The following FRAS1 variants were observed in gnomAD, a reference collection of about 807,000 sequenced individuals.
FRAS1 encodes extracellular matrix organizing protein FRAS1.
FRAS1 carries 290 observed loss-of-function variants against 435.2 expected under a neutral mutation model. The ratio of observed to expected loss-of-function variants is 0.67; its 90% CI spans 0.61 to 0.73. FRAS1 has a LOEUF of 0.73. Ranked by LOEUF, FRAS1 falls within the 30% of genes least tolerant of loss-of-function variation. FRAS1 has a pLI of 0.00. For missense variants in FRAS1, 4,860 were observed against 5,001.5 expected (o/e 0.97, Z 0.85); for synonymous variants, 1,800 against 1,851.0 (o/e 0.97, Z 0.71).
chr4:78,308,245 C>T (rs1728873999), intron 15 of FRAS1, 36 bp downstream of exon 15: 2 of 1,594,200 alleles, frequency 1.3e-6, no homozygotes, highest in Non-Finnish European at 1.7e-6. Flanking sequence ...GTGTCCTTTC[C>T]TTTTTCTTTT....
intron 2 of FRAS1, among the ~76,000 whole-genome samples, chr4:78,211,335 C>T (rs1442469907): frequency 6.6e-6 from 1 of 152,072 alleles, no homozygotes; most frequent in African/African-American, 2.4e-5. Context: ...TGCCATCTTT[C>T]GATGTATTTT....
chr4:78,380,077 T>G, intron 27 of FRAS1, 81 bp downstream of exon 27: 1 of 1,465,414 alleles, frequency 6.8e-7, no homozygotes, highest in Non-Finnish European at 9.3e-7. Context: ...CCAGCCTCTC[T>G]GTCTCAATAG....
At chr4:78,417,718 C>T (rs1384911563) in intron 32 of FRAS1, among the ~76,000 whole-genome samples, 1 of 152,186 alleles carries the variant, frequency 6.6e-6, no homozygotes, top group African/African-American at 2.4e-5. Context: ...CTGCAACCTA[C>T]AATCTTTTCA....
chr4:78,455,866 T>C (rs536465130), intron 47 of FRAS1, among the ~76,000 whole-genome samples: 16 of 152,300 alleles, frequency 1.1e-4, no homozygotes, highest in South Asian at 2.1e-4. Flanking sequence ...TAAGGAGTTA[T>C]ATTAACTAGG....
At chr4:78,263,513 C>T (rs1726214632) in intron 6 of FRAS1, among the ~76,000 whole-genome samples, 1 of 152,190 alleles carries the variant, frequency 6.6e-6, no homozygotes, top group South Asian at 2.1e-4. Flanking sequence ...AACTCTATGC[C>T]TATTCAAGAT....
At chr4:78,111,610 G>A (rs1470210301) in intron 2 of FRAS1, among the ~76,000 whole-genome samples, 2 of 102,100 alleles carry the variant, frequency 2.0e-5, no homozygotes, top group Non-Finnish European at 3.9e-5. Flanking sequence ...GGTGGGGTCG[G>A]GGGAGGGGGG....
At chr4:78,195,700 C>T (rs1443455502) in intron 2 of FRAS1, among the ~76,000 whole-genome samples, 4 of 152,134 alleles carry the variant, frequency 2.6e-5, no homozygotes, top group Non-Finnish European at 4.4e-5. Context: ...GAAAGGGATT[C>T]CCCTGACCCC....
At chr4:78,536,892 C>T in intron 71 of FRAS1, 103 bp from the exon 72 acceptor site, 1 of 815,482 alleles carries the variant, frequency 1.2e-6, no homozygotes, top group Non-Finnish European at 1.9e-6. Flanking sequence ...TAGAAAAGTG[C>T]TTTTCACTCT....
intron 2 of FRAS1, among the ~76,000 whole-genome samples, chr4:78,097,459 A>T (rs1741866765): frequency 6.6e-6 from 1 of 152,232 alleles, no homozygotes; most frequent in African/African-American, 2.4e-5. Flanking sequence ...TAATAAAGAC[A>T]TACCTGAGGC....
In FRAS1 at chr4:78,094,715, C is replaced by T. The variant is rs148114355; in HGVS notation, c.108+28699C>T. ...TTGTTTTCAAGAACTTTAATAGAAC[C>T]TGTTTATATACTGGCAATTGATTAC... On this transcript the variant is annotated intron_variant, in intron 2 of 73. Transcript: ENST00000512123. 8.5e-4 allele frequency among the ~76,000 whole-genome samples: 130 copies of T among 152,124 alleles called. 1 individual carries two copies. The highest frequency in any genetic ancestry group is 3.0e-3 in the African/African-American group (125 of 41,508).
At chr4:78,153,960 C>CA (rs1720775958) in intron 2 of FRAS1, among the ~76,000 whole-genome samples, 1 of 152,016 alleles carries the variant, frequency 6.6e-6, no homozygotes, top group Non-Finnish European at 1.5e-5. Context: ...CTTTACTCTA[C>CA]AATTTTTTTC....
Position 78,452,328 on chromosome 4 carries a change from G to C in FRAS1, c.6737G>C (p.Gly2246Ala). The C allele has an allele frequency of 6.2e-7, 1 of 1,607,574 alleles. No individual in the cohort carries two copies. The highest frequency in any genetic ancestry group is 8.5e-7 in the Non-Finnish European group (1 of 1,178,220). Reference sequence around the variant, plus strand: ...AGAATCACCAGACAGCCCCAGCTGGGCCACTTGGAACATGCAGCATCACCA... The same window carrying C: ...AGAATCACCAGACAGCCCCAGCTGGCCCACTTGGAACATGCAGCATCACCA... Reference protein sequence around the residue: ...IYRITRQPQLGHLEHAASPGI... With the variant: ...IYRITRQPQLAHLEHAASPGI... Residue 2246 changes from glycine to alanine, a missense_variant, in exon 47 of 74, where the codon GGC (glycine) becomes GCC (alanine). Physicochemically the swap from Gly to Ala is moderately conservative, Grantham distance 60. Transcript: ENST00000512123.
At chr4:78,154,633 T>C (rs1164628216) in intron 2 of FRAS1, among the ~76,000 whole-genome samples, 1 of 152,224 alleles carries the variant, frequency 6.6e-6, no homozygotes, top group Non-Finnish European at 1.5e-5. Context: ...CTCGCTTTAA[T>C]TGGATTCATG....
chr4:78,205,093 G>A (rs185920303), intron 2 of FRAS1, among the ~76,000 whole-genome samples: 5 of 152,158 alleles, frequency 3.3e-5, no homozygotes, highest in Admixed American at 3.3e-4. Context: ...GTAATGTTGA[G>A]TCCATAAATG....
intron 14 of FRAS1, among the ~76,000 whole-genome samples, chr4:78,298,933 TATG>T (rs762090059): frequency 2.6e-5 from 4 of 152,164 alleles, no homozygotes; most frequent in Non-Finnish European, 4.4e-5. Context: ...GTAGGATAAA[TATG>T]ATAAGAGAGG....
chr4:78,522,988 T>A (rs1442556153), intron 69 of FRAS1, among the ~76,000 whole-genome samples, 180 bp downstream of exon 69: 4 of 152,074 alleles, frequency 2.6e-5, no homozygotes, highest in Non-Finnish European at 5.9e-5. Flanking sequence ...CTCAGGAGGA[T>A]CACTTGAACT....
At chr4:78,354,285 A>C (rs1465835261) in intron 20 of FRAS1, among the ~76,000 whole-genome samples, 1 of 152,058 alleles carries the variant, frequency 6.6e-6, no homozygotes, top group African/African-American at 2.4e-5. Context: ...GTCGTGTTTT[A>C]TTTGGTTAGT....
intron 58 of FRAS1, among the ~76,000 whole-genome samples, chr4:78,482,935 A>T (rs1720057412): frequency 6.6e-6 from 1 of 152,228 alleles, no homozygotes; most frequent in Non-Finnish European, 1.5e-5. Context: ...CACCAAGGAG[A>T]TTATATTTAA....
chr4:78,486,289 T>C (rs55942410), intron 58 of FRAS1, among the ~76,000 whole-genome samples: 335 of 152,284 alleles, frequency 2.2e-3, no homozygotes, highest in African/African-American at 7.7e-3. Context: ...TATAGGACAT[T>C]TTCTATACCT....
Sources: gnomAD v4.1 joint callset for allele counts (sites outside exome capture counted in the v4.1 genomes callset) on GRCh38, gnomAD v4.1.1 for gene constraint, MANE v1.5 for transcripts, NCBI Gene and HGNC (gene_info 2026-07-23, HGNC 2026-07-21) for gene names.